Variants in UPF2 observed in about 807,000 individuals in gnomAD.
The protein encoded by UPF2 is UPF2 regulator of nonsense mediated mRNA decay.
In UPF2, 17 loss-of-function variants were observed where a neutral mutation model predicts 141.4. The observed-to-expected ratio is 0.12, with a 90% CI of 0.08 to 0.18. UPF2 has a LOEUF of 0.18. UPF2 is among the 10% of genes least tolerant of loss of function. The pLI, the probability that UPF2 is intolerant of heterozygous loss-of-function variation, is 1.00. For missense variants in UPF2, 1,152 were observed against 1,515.9 expected (o/e 0.76, Z 3.99); for synonymous variants, 540 against 498.0 (o/e 1.08, Z -1.12).
chr10:12,011,432 T>C (rs1348930459), intron 4 of UPF2, among the ~76,000 whole-genome samples: 1 of 151,714 alleles, frequency 6.6e-6, no homozygotes, highest in African/African-American at 2.4e-5. Context: ...ACCCCATCTC[T>C]ACTAAAAATG....
Position 11,935,837 on chromosome 10 carries a change from C to T in UPF2, c.3546+708G>A, listed in dbSNP as rs144347267. On this transcript the variant is annotated intron_variant, in intron 19 of 21. Coordinates refer to ENST00000357604, the MANE Select transcript of UPF2 (RefSeq NM_015542.4). This position sits in a 1 kb window ranked among gnomAD's most constrained non-coding sequence, Gnocchi z 4.9. ...CAACTATGGATCGCTAGAGTAACAG[C>T]TTGGTAGAGGGGGAAACGGTTTTGA... Among the ~76,000 whole-genome samples the T allele has an allele frequency of 5.9e-5, 9 of 152,140 alleles. No individual in the cohort carries two copies. The East Asian group carries it at 1.7e-3, about 29-fold the overall frequency.
At chr10:11,943,374 C>T (rs1364698400) in intron 16 of UPF2, among the ~76,000 whole-genome samples, 1 of 152,188 alleles carries the variant, frequency 6.6e-6, no homozygotes, top group Non-Finnish European at 1.5e-5. Context: ...TCACTACCTT[C>T]AACTGATCTA....
intron 8 of UPF2, among the ~76,000 whole-genome samples, chr10:11,995,098 A>G (rs1163058901): frequency 1.3e-5 from 2 of 151,846 alleles, no homozygotes; most frequent in African/African-American, 2.4e-5. Flanking sequence ...ATGAAGTGCT[A>G]TAAAGAATAC....
At chr10:11,985,228 C>A (rs1381766398) in intron 8 of UPF2, among the ~76,000 whole-genome samples, 4 of 152,236 alleles carry the variant, frequency 2.6e-5, no homozygotes, top group Non-Finnish European at 5.9e-5. Flanking sequence ...AAATACCACC[C>A]TGCTCTATTT....
At chr10:12,031,196 CAG>C in intron 2 of UPF2, among the ~76,000 whole-genome samples, 1 of 129,256 alleles carries the variant, frequency 7.7e-6, no homozygotes, top group African/African-American at 2.9e-5. Context: ...AAAAACAAAA[CAG>C]TTTTGCAATG....
In UPF2 at chr10:12,015,234, TACAA is replaced by T. The variant is rs552434637; in HGVS notation, c.1146-1054_1146-1051del. Among the ~76,000 whole-genome samples the T allele has an allele frequency of 2.6e-3, 402 of 152,326 alleles. 4 individuals carry two copies. Among genetic ancestry groups the T allele is most frequent in the Middle Eastern group, 0.02 (6 of 294 alleles). ...TTATTTCTTGTTATTTGCGTTTTCT[TACAA>T]ACAGTGAAGAAAACGAGGTTTTCTG... On this transcript the variant is annotated intron_variant, in intron 3 of 21. Coordinates refer to ENST00000357604, the MANE Select transcript of UPF2 (RefSeq NM_015542.4).
chr10:11,985,367 G>A (rs993667340), intron 8 of UPF2, among the ~76,000 whole-genome samples: 3 of 152,286 alleles, frequency 2.0e-5, no homozygotes, highest in Admixed American at 2.0e-4. Context: ...GCCGGGTGCA[G>A]TGGCTCACGC....
At chr10:12,035,792 AG>A (rs1834615310) in intron 1 of UPF2, 1 of 163,320 alleles carries the variant, frequency 6.1e-6, no homozygotes, top group East Asian at 1.8e-4. Context: ...TAAATACTTC[AG>A]AATATATCTG....
intron 17 of UPF2, 57 bp from the exon 18 acceptor site, chr10:11,942,820 G>T: frequency 6.6e-7 from 1 of 1,515,028 alleles, no homozygotes; most frequent in Non-Finnish European, 9.1e-7. Context: ...ATGTTTTCTA[G>T]GGCAAAGCCT....
chr10:11,988,270 A>G (rs559170931), intron 8 of UPF2, among the ~76,000 whole-genome samples: 1 of 152,306 alleles, frequency 6.6e-6, no homozygotes. Context: ...GCCTAACACA[A>G]TGTAAATGCT....
chr10:12,037,430 C>T (rs1834651597), intron 1 of UPF2, among the ~76,000 whole-genome samples: 2 of 134,590 alleles, frequency 1.5e-5, no homozygotes. Context: ...GAGTCTCGCT[C>T]TGTTGCCTAG....
In UPF2 at chr10:11,979,032, T is replaced by A; in HGVS notation, c.1953+25A>T. The A allele has an allele frequency of 6.5e-7, 1 of 1,549,594 alleles. No homozygotes were observed. Among genetic ancestry groups the A allele is most frequent in the South Asian group, 1.1e-5 (1 of 88,478 alleles). ...CTCAACGTATAAGAATATAAATATT[T>A]CAAAATAAATGCTTAAATACATACA... On this transcript the variant is annotated intron_variant, in intron 9 of 21. Coordinates refer to ENST00000357604, the MANE Select transcript of UPF2 (RefSeq NM_015542.4). This position sits in a 1 kb window ranked among gnomAD's most constrained non-coding sequence, Gnocchi z 6.2.
intron 11 of UPF2, among the ~76,000 whole-genome samples, chr10:11,960,351 A>G (rs1459841574): frequency 6.6e-6 from 1 of 152,194 alleles, no homozygotes; most frequent in Non-Finnish European, 1.5e-5. Flanking sequence ...GTTTGAGACT[A>G]GCCTGGGCAA....
chr10:12,038,265 C>G (rs1834668343), intron 1 of UPF2, among the ~76,000 whole-genome samples: 1 of 151,842 alleles, frequency 6.6e-6, no homozygotes, highest in Admixed American at 6.6e-5. Flanking sequence ...CGCCTGTAAT[C>G]CCAGCTACTG....
intron 8 of UPF2, among the ~76,000 whole-genome samples, chr10:11,991,641 G>A (rs1264304399): frequency 1.3e-5 from 2 of 152,020 alleles, no homozygotes; most frequent in East Asian, 1.9e-4. Context: ...AAAAAAAAAG[G>A]CCAGCTCGCC....
At chr10:12,031,258 G>T (rs139701382) in intron 2 of UPF2, among the ~76,000 whole-genome samples, 38 of 149,488 alleles carry the variant, frequency 2.5e-4, no homozygotes, top group Middle Eastern at 3.5e-3. Context: ...CTTTAACAAA[G>T]TACCTTGCTA....
chr10:11,943,652 C>T (rs528594091), intron 16 of UPF2, among the ~76,000 whole-genome samples: 1 of 152,294 alleles, frequency 6.6e-6, no homozygotes, highest in East Asian at 1.9e-4. Flanking sequence ...GTTTGCTCTA[C>T]CCAAGTCTGA....
In UPF2 at chr10:11,929,929, G is replaced by A. The variant is rs368962743; in HGVS notation, c.3745C>T (p.Arg1249Trp). ...CCCTTCGGATGTTGGTAGCGAGGCC[G>A]CCTCTCACGATTGGTGTTTGCTGGA... The part of the protein sequence containing the change: ...PAPANTNRER[R>W]PRYQHPKGAP... The change falls in exon 21 of 22, where the codon CGG (arginine) becomes TGG (tryptophan). Residue 1249 changes from arginine to tryptophan, a missense_variant. Arg to Trp is a moderately radical substitution (Grantham distance 101). Coordinates refer to ENST00000357604, the MANE Select transcript of UPF2 (RefSeq NM_015542.4). 2.5e-6 allele frequency: 4 copies of A among 1,614,074 alleles called. No individual in the cohort carries two copies. The highest frequency in any genetic ancestry group is 1.1e-5 in the South Asian group (1 of 91,088).
At chr10:11,926,454 AG>A (rs2131146438) in intron 21 of UPF2, among the ~76,000 whole-genome samples, 1 of 152,348 alleles carries the variant, frequency 6.6e-6, no homozygotes, top group South Asian at 2.1e-4. Flanking sequence ...GCTGAGCCCA[AG>A]GAACACAGAC....
Sources: allele counts gnomAD v4.1 joint callset (sites outside exome capture counted in the v4.1 genomes callset), GRCh38; gene constraint gnomAD v4.1.1; non-coding constraint Gnocchi (gnomAD v3.1); transcripts MANE v1.5; gene names NCBI Gene and HGNC (gene_info 2026-07-23, HGNC 2026-07-21).